Variants in PPARGC1A observed in about 807,000 individuals in gnomAD.
PPARGC1A encodes the protein peroxisome proliferator-activated receptor gamma coactivator 1-alpha.
In PPARGC1A, 25 loss-of-function variants were observed where a neutral mutation model predicts 88.7. The ratio of observed to expected loss-of-function variants is 0.28; its 90% CI spans 0.21 to 0.39. The LOEUF (loss-of-function observed/expected upper bound fraction) is 0.39, where lower values mean the gene tolerates loss of function less well. Ranked by LOEUF, PPARGC1A falls within the 10% of genes least tolerant of loss-of-function variation. The pLI is 1.00. For synonymous variants in PPARGC1A, 363 were observed against 355.6 expected, an observed-to-expected ratio of 1.02 and a Z score of -0.24; for missense variants, 880 against 968.7, an observed-to-expected ratio of 0.91 and a Z score of 1.22.
chr4:24,366,055 TGGATGAAAACCACCA>T, the PPARGC1A span, among the ~76,000 whole-genome samples: 2 of 152,314 alleles, frequency 1.3e-5, no homozygotes, highest in Non-Finnish European at 2.9e-5. Context: ...TCTAGCCTAC[TGGATGAAAACCACCA>T]GGCTTGAACC....
the PPARGC1A span, among the ~76,000 whole-genome samples, chr4:23,933,453 T>C: frequency 1.1e-4 from 17 of 152,234 alleles, no homozygotes; most frequent in Non-Finnish European, 1.6e-4. Context: ...GTTGATTTGT[T>C]GGACCAACTC....
chr4:24,032,296 G>C, the PPARGC1A span, among the ~76,000 whole-genome samples: 1 of 152,138 alleles, frequency 6.6e-6, no homozygotes, highest in Non-Finnish European at 1.5e-5. Flanking sequence ...AGTGTGCCAA[G>C]GCTGAGAACC....
chr4:24,332,221 A>G, the PPARGC1A span, among the ~76,000 whole-genome samples: 1 of 151,816 alleles, frequency 6.6e-6, no homozygotes, highest in Non-Finnish European at 1.5e-5. Context: ...CAAGCAATCC[A>G]TTCACCTCGG....
the PPARGC1A span, among the ~76,000 whole-genome samples, chr4:24,100,132 A>G: frequency 6.6e-6 from 1 of 152,190 alleles, no homozygotes; most frequent in African/African-American, 2.4e-5. Flanking sequence ...TAATATATAT[A>G]TAAAGCAGAA....
At chr4:24,335,587 C>A in the PPARGC1A span, among the ~76,000 whole-genome samples, 4 of 152,180 alleles carry the variant, frequency 2.6e-5, no homozygotes, top group African/African-American at 9.7e-5. Context: ...CTCAAAGCCA[C>A]CCCCGAAAAG....
At chr4:23,909,150 C>T in the PPARGC1A span, among the ~76,000 whole-genome samples, 1,704 of 152,228 alleles carry the variant, frequency 0.011, 40 homozygotes, top group South Asian at 0.11. Flanking sequence ...AATGAGTATG[C>T]CAGTCAGGCC....
the PPARGC1A span, among the ~76,000 whole-genome samples, chr4:24,256,648 C>T: frequency 3.3e-5 from 5 of 152,160 alleles, no homozygotes; most frequent in Non-Finnish European, 5.9e-5. Flanking sequence ...TAGGCTACTG[C>T]TGTGTCTACA....
chr4:24,234,054 G>A, the PPARGC1A span, among the ~76,000 whole-genome samples: 1 of 152,324 alleles, frequency 6.6e-6, no homozygotes, highest in East Asian at 1.9e-4. Context: ...GAGGAGAGAT[G>A]TGCTGTGCAA....
At chr4:24,349,096 C>A in the PPARGC1A span, among the ~76,000 whole-genome samples, 32 of 152,350 alleles carry the variant, frequency 2.1e-4, no homozygotes, top group Non-Finnish European at 4.0e-4. Context: ...TCCAGCGAGT[C>A]TATCCAGCTC....
At chr4:24,147,218 C>A in the PPARGC1A span, among the ~76,000 whole-genome samples, 1 of 152,170 alleles carries the variant, frequency 6.6e-6, no homozygotes, top group Non-Finnish European at 1.5e-5. Context: ...GTAAACTGGG[C>A]AGAGGTCTGG....
At chr4:24,032,363 T>C in the PPARGC1A span, among the ~76,000 whole-genome samples, 16 of 152,272 alleles carry the variant, frequency 1.1e-4, no homozygotes, top group Admixed American at 2.0e-4. Context: ...CAGGGGCTCC[T>C]GGTGGCTTAT....
chr4:24,247,357 A>T, the PPARGC1A span, among the ~76,000 whole-genome samples: 1 of 151,776 alleles, frequency 6.6e-6, no homozygotes, highest in South Asian at 2.1e-4. Context: ...TCAGCCACAA[A>T]TTTTTTTTCA....
the PPARGC1A span, among the ~76,000 whole-genome samples, chr4:23,924,627 A>C: frequency 3.3e-5 from 5 of 152,126 alleles, no homozygotes; most frequent in African/African-American, 4.8e-5. Flanking sequence ...ATCTCGAAAA[A>C]ACTTTCATTC....
the PPARGC1A span, among the ~76,000 whole-genome samples, chr4:23,989,014 A>G: frequency 6.7e-6 from 1 of 149,588 alleles, no homozygotes; most frequent in African/African-American, 2.4e-5. Flanking sequence ...TATACATATA[A>G]TAGTATACTA....
the PPARGC1A span, among the ~76,000 whole-genome samples, chr4:23,961,064 T>A: frequency 6.6e-6 from 1 of 152,148 alleles, no homozygotes; most frequent in African/African-American, 2.4e-5. Context: ...CGTGTGTAAT[T>A]TTTCTAGAAA....
chr4:24,020,226 T>A, the PPARGC1A span, among the ~76,000 whole-genome samples: 1 of 152,198 alleles, frequency 6.6e-6, no homozygotes, highest in African/African-American at 2.4e-5. Context: ...ATTATCATGG[T>A]TTTCCATTAG....
chr4:24,006,046 T>G, the PPARGC1A span, among the ~76,000 whole-genome samples: 1 of 152,008 alleles, frequency 6.6e-6, no homozygotes, highest in African/African-American at 2.4e-5. Context: ...GTGTTGTTGT[T>G]GTTGGTTTTG....
At chr4:24,177,765 T>C in the PPARGC1A span, among the ~76,000 whole-genome samples, 1 of 151,276 alleles carries the variant, frequency 6.6e-6, no homozygotes, top group Non-Finnish European at 1.5e-5. Context: ...GGCATACAAG[T>C]GATAAGATAC....
At chr4:23,890,571 A>T (rs1717680263), upstream of PPARGC1A, among the ~76,000 whole-genome samples, 1 of 141,082 alleles carries the variant, frequency 7.1e-6, no homozygotes, top group African/African-American at 2.6e-5. Flanking sequence ...ACATTTTCTC[A>T]TTGAGGGAGT....
Sources: allele counts gnomAD v4.1 joint callset (sites outside exome capture counted in the v4.1 genomes callset), GRCh38; gene constraint gnomAD v4.1.1; transcripts MANE v1.5; gene names NCBI Gene and HGNC (gene_info 2026-07-23, HGNC 2026-07-21).